Variants in OARD1 observed in about 807,000 individuals in gnomAD.
The protein encoded by OARD1 is O-acyl-ADP-ribose deacylase 1.
Under a neutral mutation model 19.7 loss-of-function variants are expected in OARD1, and 19 were observed. The ratio of observed to expected loss-of-function variants is 0.96; its 90% CI spans 0.67 to 1.41. The LOEUF (loss-of-function observed/expected upper bound fraction) is 1.41. OARD1 is among the 40% of genes most tolerant of loss of function. The pLI is 0.00. For synonymous variants in OARD1, 70 were observed against 61.8 expected, an observed-to-expected ratio of 1.13 and a Z score of -0.62; for missense variants, 190 against 183.8, an observed-to-expected ratio of 1.03 and a Z score of -0.20.
intron 1 of OARD1, among the ~76,000 whole-genome samples, chr6:41,086,041 C>T (rs1261627105): frequency 6.6e-6 from 1 of 152,164 alleles, no homozygotes; most frequent in Non-Finnish European, 1.5e-5. Context: ...ATATATGAGG[C>T]TTTAAATATC....
intron 1 of OARD1, among the ~76,000 whole-genome samples, chr6:41,085,223 T>A (rs191382795): frequency 7.4e-4 from 112 of 152,318 alleles, no homozygotes; most frequent in Admixed American, 1.3e-3. Context: ...TGAGAATCTG[T>A]CCTATAGGAA....
At chr6:41,080,377 G>C (rs1763873106) in intron 1 of OARD1, among the ~76,000 whole-genome samples, 1 of 152,120 alleles carries the variant, frequency 6.6e-6, no homozygotes, top group African/African-American at 2.4e-5. Context: ...GGTTCATAGT[G>C]ATTAATTACT....
At chr6:41,071,547 CCATT>C (rs1763394002) in intron 2 of OARD1, 45 bp downstream of exon 2, 1 of 1,461,720 alleles carries the variant, frequency 6.8e-7, no homozygotes, top group East Asian at 2.3e-5. Context: ...CTTTTGACCT[CCATT>C]ATTACGAATT....
chr6:41,079,995 G>A (rs894872264), intron 1 of OARD1, among the ~76,000 whole-genome samples: 8 of 152,146 alleles, frequency 5.3e-5, no homozygotes, highest in Non-Finnish European at 1.0e-4. Flanking sequence ...TCCTTCAACT[G>A]CCTTTTTAGA....
chr6:41,090,914 T>A (rs1412809879), intron 1 of OARD1, among the ~76,000 whole-genome samples: 1 of 152,164 alleles, frequency 6.6e-6, no homozygotes, highest in East Asian at 1.9e-4. Flanking sequence ...AAAAAGGACA[T>A]CTTTGTTAGA....
intron 4 of OARD1, chr6:41,069,399 A>C (rs1322768189): frequency 1.3e-5 from 2 of 154,224 alleles, no homozygotes; most frequent in African/African-American, 4.8e-5. Context: ...ACAACAGAAA[A>C]AACTGGTAGG....
chr6:41,075,477 C>T (rs1763708236), upstream of OARD1: 1 of 152,208 alleles, frequency 6.6e-6, no homozygotes, highest in Admixed American at 6.5e-5. Context: ...TGCTAAATAC[C>T]TTACAAGCTT....
intron 1 of OARD1, chr6:41,078,935 A>G (rs1361614749): frequency 1.0e-5 from 6 of 574,948 alleles, no homozygotes; most frequent in Non-Finnish European, 1.9e-5. Flanking sequence ...GTTTTCTTGC[A>G]AATAAAGTAC....
chr6:41,069,088 T>C, intron 4 of OARD1, 135 bp from the exon 5 acceptor site: 1 of 555,894 alleles, frequency 1.8e-6, no homozygotes. Flanking sequence ...GGATGACAAA[T>C]GTCATATTGC....
chr6:41,097,343 ATC>A, intron 1 of OARD1: 1 of 1,613,870 alleles, frequency 6.2e-7, no homozygotes, highest in Non-Finnish European at 8.5e-7. Flanking sequence ...TCATCATGTC[ATC>A]TTTGTCTCTA....
At chr6:41,071,080 T>C (rs571506407) in intron 3 of OARD1, 52 bp downstream of exon 3, 169 of 1,577,266 alleles carry the variant, frequency 1.1e-4, no homozygotes, top group Non-Finnish European at 1.4e-4. Context: ...GTGTAACAGA[T>C]TAAAAGGTGC....
rs1466039846 is a variant in OARD1 at position 41,071,141 on chromosome 6, A to G, written c.175T>C (p.Leu59=). The G allele has an allele frequency of 2.5e-6, 4 of 1,614,238 alleles. No individual in the cohort carries two copies. Among genetic ancestry groups the G allele is most frequent in the Non-Finnish European group, 3.4e-6 (4 of 1,180,038 alleles). ...KKKFGGVQEL[L]NQQKKSGEVA... is the part of the protein sequence containing the mutation. ...GGTTTCCAAAACTCACGTTGATTTAAAAGTTCTTGCACCCCTCCAAATTTC... is the reference window on the plus strand; with the variant it reads ...GGTTTCCAAAACTCACGTTGATTTAGAAGTTCTTGCACCCCTCCAAATTTC... The change falls in exon 3 of 6, where the codon TTA becomes CTA. Residue 59 remains leucine (L), a synonymous_variant. Coordinates refer to ENST00000424266, the MANE Select transcript of OARD1 (RefSeq NM_001329686.2).
chr6:41,078,207 G>C (rs1367493925), intron 1 of OARD1, among the ~76,000 whole-genome samples: 2 of 152,076 alleles, frequency 1.3e-5, no homozygotes, highest in Non-Finnish European at 2.9e-5. Context: ...CTAAGTACTT[G>C]GACATATAGT....
upstream of OARD1, among the ~76,000 whole-genome samples, chr6:41,076,854 G>T (rs1763745447): frequency 6.6e-6 from 1 of 152,158 alleles, no homozygotes; most frequent in Non-Finnish European, 1.5e-5. Flanking sequence ...CTTTACTGAA[G>T]CCAGTTGCTT....
rs564914253 is a variant in OARD1, at chr6:41,065,204, C to A, written c.*2131G>T. 1 of 151,918 alleles carries A rather than the reference C, an allele frequency of 6.6e-6. No homozygotes were observed. The highest frequency in any genetic ancestry group is 1.5e-5 in the Non-Finnish European group (1 of 67,958). 9.4% of individuals were successfully genotyped at this position (151,918 alleles called of 1,614,324 possible). On this transcript the variant is annotated 3_prime_UTR_variant, in exon 6 of 6. Transcript: ENST00000424266. ...TTTGTCTAAAGAATCAAGGCTCAAA[C>A]GCCAAGAAAAAAATAATAATAATAA...
intron 1 of OARD1, among the ~76,000 whole-genome samples, chr6:41,082,414 A>G (rs1490566420): frequency 6.6e-6 from 1 of 152,210 alleles, no homozygotes; most frequent in Non-Finnish European, 1.5e-5. Context: ...TCTTAACTGT[A>G]TGGCTTCTTG....
intron 1 of OARD1, chr6:41,094,536 C>A (rs1330590266): frequency 1.3e-6 from 2 of 1,507,142 alleles, no homozygotes; most frequent in South Asian, 1.1e-5. Flanking sequence ...TCTTTATTAC[C>A]TTGTATTGAC....
At chr6:41,084,532 AAATT>A (rs537617758) in intron 1 of OARD1, among the ~76,000 whole-genome samples, 15 of 152,362 alleles carry the variant, frequency 9.8e-5, no homozygotes, top group Admixed American at 3.3e-4. Flanking sequence ...AAGTGGGTCC[AAATT>A]AATTAAGTAG....
At chr6:41,075,492 C>T (rs955697381), upstream of OARD1, 2 of 151,802 alleles carry the variant, frequency 1.3e-5, no homozygotes, top group East Asian at 3.8e-4. Flanking sequence ...AAGCTTCCAC[C>T]AGTCTGCAGA....
Sources: gnomAD v4.1 joint callset for allele counts (sites outside exome capture counted in the v4.1 genomes callset) on GRCh38, gnomAD v4.1.1 for gene constraint, MANE v1.5 for transcripts, NCBI Gene and HGNC (gene_info 2026-07-23, HGNC 2026-07-21) for gene names.